RUSC2: variants seen among roughly 807,000 people sequenced by gnomAD.
RUSC2 encodes RUN and SH3 domain containing 2.
A neutral mutation model predicts 122.2 loss-of-function variants in RUSC2; 34 were observed. The observed-to-expected ratio is 0.28, with a 90% CI of 0.21 to 0.37. RUSC2 has a LOEUF of 0.37. Among genes scored for constraint, RUSC2 ranks in the 10% least tolerant of loss-of-function variants. The probability of loss-of-function intolerance (pLI) is 1.00; values close to 1 mark genes in which losing one functional copy is unlikely to be tolerated. For synonymous variants in RUSC2, 784 were observed against 790.0 expected (o/e 0.99, Z 0.13); for missense variants, 1,747 against 1,952.4 (o/e 0.89, Z 1.98).
intron 1 of RUSC2, among the ~76,000 whole-genome samples, chr9:35,519,789 G>A (rs1821177981): frequency 1.3e-5 from 2 of 152,144 alleles, no homozygotes; most frequent in Non-Finnish European, 2.9e-5. Flanking sequence ...GGTACTTTAT[G>A]TACAATATCT....
At chr9:35,503,779 T>A (rs1820862558) in intron 1 of RUSC2, among the ~76,000 whole-genome samples, 1 of 152,154 alleles carries the variant, frequency 6.6e-6, no homozygotes, top group African/African-American at 2.4e-5. Context: ...ATTATTATTT[T>A]TTTTTTCTTT....
rs55836338 is a variant in RUSC2 at position 35,534,419 on chromosome 9, T to TACACACACACAC, written c.-92-11983_-92-11972dup. 8.9e-4 allele frequency among the ~76,000 whole-genome samples: 126 copies of TACACACACACAC among 141,020 alleles called. 1 individual carries two copies. Among genetic ancestry groups the TACACACACACAC allele is most frequent in the African/African-American group, 2.7e-3 (100 of 37,466 alleles). The allele number at this position is 141,020 out of a possible 152,430, so 92.5% of individuals were successfully genotyped here. ...GTGAGACCCCCATCTCTACAAATAATACACACACACACACACACACACACA... is the reference window on the plus strand; with the variant it reads ...GTGAGACCCCCATCTCTACAAATAATACACACACACACACACACACACACACACACACACACA... On this transcript the variant is annotated intron_variant, in intron 1 of 11. Transcript: ENST00000361226.
At chr9:35,496,818 G>A (rs969882497) in intron 1 of RUSC2, among the ~76,000 whole-genome samples, 3 of 152,174 alleles carry the variant, frequency 2.0e-5, no homozygotes, top group South Asian at 4.1e-4. Context: ...ACTACATGGT[G>A]TTATTGTGGA....
At chr9:35,537,375 C>T (rs1002402675) in intron 1 of RUSC2, among the ~76,000 whole-genome samples, 6 of 152,192 alleles carry the variant, frequency 3.9e-5, no homozygotes, top group Admixed American at 2.6e-4. Context: ...ATCAGCTAGG[C>T]GAGAGGAAAG....
chr9:35,521,696 G>A (rs942389798), intron 1 of RUSC2, among the ~76,000 whole-genome samples: 1 of 152,216 alleles, frequency 6.6e-6, no homozygotes, highest in African/African-American at 2.4e-5. Flanking sequence ...TCTGTGCTTC[G>A]AAAGAGGACT....
chr9:35,548,893 G>C lies in RUSC2; in HGVS notation c.2014+358G>C. ...AAAATAAAAAATAAACTAGCCAGGA[G>C]TGGTAGCACCCACCTGTAATCCCAG... is the stretch of plus-strand genomic sequence containing the variant. On this transcript the variant is annotated intron_variant, in intron 2 of 11. Transcript: ENST00000361226. The surrounding 1 kb of genome is among the most constrained non-coding windows in gnomAD (Gnocchi z 4.5). The C allele has an allele frequency of 2.0e-6, 1 of 501,374 alleles. No individual in the cohort carries two copies. The highest frequency in any genetic ancestry group is 2.6e-6 in the Non-Finnish European group (1 of 387,922). The allele number at this position is 501,374 out of a possible 1,614,324, so 31.1% of individuals were successfully genotyped here. A position where few individuals can be genotyped will look rare whatever the true frequency, so the allele number is the denominator to read the frequency against.
Position 35,555,901 on chromosome 9 carries a change from T to G in RUSC2, c.2657-51T>G, listed in dbSNP as rs1475292326. 1.1e-5 allele frequency: 18 copies of G among 1,588,058 alleles called. No individual in the cohort carries two copies. Among genetic ancestry groups the G allele is most frequent in the Non-Finnish European group, 1.5e-5 (18 of 1,163,848 alleles). ...CACTGGGTGGATGTGAAACTCTGTC[T>G]CGCTGTCTCCTGCCAACTCTTGTCT... On this transcript the variant is annotated intron_variant, in intron 3 of 11. Coordinates refer to ENST00000361226, the MANE Select transcript of RUSC2 (RefSeq NM_014806.5). This position sits in a 1 kb window ranked among gnomAD's most constrained non-coding sequence, Gnocchi z 4.6.
At chr9:35,543,468 AT>A (rs1472390638) in intron 1 of RUSC2, among the ~76,000 whole-genome samples, 3 of 152,212 alleles carry the variant, frequency 2.0e-5, no homozygotes, top group Non-Finnish European at 4.4e-5. Context: ...ATGGGTATTT[AT>A]TACATACAAA....
intron 1 of RUSC2, among the ~76,000 whole-genome samples, chr9:35,503,910 G>T (rs1305708344): frequency 6.6e-6 from 1 of 152,044 alleles, no homozygotes; most frequent in East Asian, 1.9e-4. Flanking sequence ...GAGTAGCTGG[G>T]ATTATAGGTG....
chr9:35,522,011 C>A (rs1821226605), intron 1 of RUSC2, among the ~76,000 whole-genome samples: 1 of 152,234 alleles, frequency 6.6e-6, no homozygotes, highest in South Asian at 2.1e-4. Context: ...GTCCTAGACA[C>A]CCACAGGAAT....
chr9:35,560,206 AG>A lies in RUSC2; in HGVS notation c.3568del (p.Glu1190AsnfsTer40). The A allele has an allele frequency of 6.2e-7, 1 of 1,605,216 alleles. No homozygotes were observed. The highest frequency in any genetic ancestry group is 8.5e-7 in the Non-Finnish European group (1 of 1,179,570). On this transcript the variant is annotated frameshift_variant, in exon 10 of 12. Coordinates refer to ENST00000361226, the MANE Select transcript of RUSC2 (RefSeq NM_014806.5). LOFTEE classifies it high-confidence loss of function. ...LQSGQQQRQH[K>X]ELLRVSQDLL... ...AGTGGGCAGCAGCAGCGGCAGCACA[AG>A]GAACTGCTGCGGGTGTCCCAGGACC...
chr9:35,531,096 A>G (rs948420511), intron 1 of RUSC2, among the ~76,000 whole-genome samples: 1 of 151,866 alleles, frequency 6.6e-6, no homozygotes, highest in Non-Finnish European at 1.5e-5. Context: ...CGTCTCCACT[A>G]AAAAATACAA....
chr9:35,554,817 G>C (rs1326963159), intron 2 of RUSC2, among the ~76,000 whole-genome samples: 1 of 151,502 alleles, frequency 6.6e-6, no homozygotes, highest in East Asian at 1.9e-4. Flanking sequence ...CTCACCTTTG[G>C]AGTCAAGAAA....
intron 1 of RUSC2, among the ~76,000 whole-genome samples, chr9:35,537,262 G>C (rs1821548051): frequency 6.6e-6 from 1 of 152,172 alleles, no homozygotes; most frequent in South Asian, 2.1e-4. Flanking sequence ...CAAAGACCCT[G>C]GGCCCAGAGC....
At chr9:35,554,380 G>A (rs2131692957) in intron 2 of RUSC2, among the ~76,000 whole-genome samples, 1 of 152,262 alleles carries the variant, frequency 6.6e-6, no homozygotes, top group Non-Finnish European at 1.5e-5. Flanking sequence ...TGGGAGTGGG[G>A]GTAGATACAG....
intron 1 of RUSC2, among the ~76,000 whole-genome samples, chr9:35,508,310 G>A (rs1249929561): frequency 6.6e-6 from 1 of 152,192 alleles, no homozygotes; most frequent in East Asian, 1.9e-4. Context: ...ACTCAGCAAT[G>A]ACTTCTCTAT....
intron 2 of RUSC2, among the ~76,000 whole-genome samples, chr9:35,552,021 C>T (rs974118793): frequency 4.0e-5 from 6 of 150,676 alleles, no homozygotes; most frequent in African/African-American, 1.5e-4. Context: ...TATGATTGCA[C>T]CACTGCATCC....
rs1411454668 is a variant in RUSC2, at chr9:35,516,308, CT to C, written c.-93+26137del. Among the ~76,000 whole-genome samples, 6 of 152,148 alleles carry C rather than the reference CT, an allele frequency of 3.9e-5. No homozygotes were observed. The East Asian group carries it at 1.2e-3, about 30-fold the overall frequency. On this transcript the variant is annotated intron_variant, in intron 1 of 11. Coordinates refer to ENST00000361226, the MANE Select transcript of RUSC2 (RefSeq NM_014806.5). ...TTTGCTCACCCCTACCCCCATGCCTCTCATCCATATTTACTGTGTCCAAATC... is the reference window on the plus strand; with the variant it reads ...TTTGCTCACCCCTACCCCCATGCCTCCATCCATATTTACTGTGTCCAAATC...
In RUSC2 at chr9:35,561,857, T is replaced by A. The variant is rs1417226061; in HGVS notation, c.*475T>A. 3 of 650,628 alleles carry A rather than the reference T, an allele frequency of 4.6e-6. No individual in the cohort carries two copies. The highest frequency in any genetic ancestry group is 1.8e-5 in the South Asian group (1 of 57,036). The allele number at this position is 650,628 out of a possible 1,614,324, so 40.3% of individuals were successfully genotyped here. ...CTGTTTATGTATTTATTTATTTATT[T>A]ATTATACCTATTAATAAAAAAGGTG... On this transcript the variant is annotated 3_prime_UTR_variant, in exon 12 of 12. Transcript: ENST00000361226.
Sources: allele counts gnomAD v4.1 joint callset (sites outside exome capture counted in the v4.1 genomes callset), GRCh38; gene constraint gnomAD v4.1.1; non-coding constraint Gnocchi (gnomAD v3.1); transcripts MANE v1.5; gene names NCBI Gene and HGNC (gene_info 2026-07-23, HGNC 2026-07-21).